The following CFAP61 variants were observed in gnomAD, a reference collection of about 807,000 sequenced individuals.
The protein encoded by CFAP61 is cilia- and flagella-associated protein 61.
In CFAP61, 107 loss-of-function variants were observed where a neutral mutation model predicts 135.6. The observed-to-expected ratio is 0.79, with a 90% CI of 0.67 to 0.93. CFAP61 has a LOEUF of 0.93. Among genes scored for constraint, CFAP61 ranks in the 40% least tolerant of loss-of-function variants. The pLI is 0.00. For synonymous variants in CFAP61, 575 were observed against 578.5 expected, an observed-to-expected ratio of 0.99 and a Z score of 0.09; for missense variants, 1,507 against 1,556.2, an observed-to-expected ratio of 0.97 and a Z score of 0.53.
At chr20:20,323,892 C>T (rs1019839495) in intron 25 of CFAP61, among the ~76,000 whole-genome samples, 5 of 152,162 alleles carry the variant, frequency 3.3e-5, no homozygotes, top group African/African-American at 1.2e-4. Flanking sequence ...TTTAGCTTCT[C>T]AGCATATTCT....
intron 21 of CFAP61, among the ~76,000 whole-genome samples, chr20:20,270,058 A>G (rs911981742): frequency 6.6e-6 from 1 of 152,356 alleles, no homozygotes; most frequent in South Asian, 2.1e-4. Flanking sequence ...ATAATTATTC[A>G]TTAAAATACA....
At chr20:20,258,984 G>A (rs191075893) in intron 20 of CFAP61, among the ~76,000 whole-genome samples, 3 of 152,156 alleles carry the variant, frequency 2.0e-5, no homozygotes, top group South Asian at 2.1e-4. Flanking sequence ...TCTCTGTTTC[G>A]TTCTCTTTCC....
At chr20:20,311,984 G>A (rs2056860962) in intron 25 of CFAP61, among the ~76,000 whole-genome samples, 1 of 152,144 alleles carries the variant, frequency 6.6e-6, no homozygotes, top group Non-Finnish European at 1.5e-5. Flanking sequence ...GCTGCAGTCC[G>A]ACTTAATAAA....
intron 15 of CFAP61, among the ~76,000 whole-genome samples, chr20:20,195,198 A>C (rs959057916): frequency 6.6e-6 from 1 of 152,184 alleles, no homozygotes; most frequent in African/African-American, 2.4e-5. Context: ...CAGAAGCTGG[A>C]AAGGCAGGGG....
intron 9 of CFAP61, among the ~76,000 whole-genome samples, chr20:20,156,294 TA>T (rs905815690): frequency 2.6e-5 from 4 of 151,326 alleles, no homozygotes; most frequent in African/African-American, 4.8e-5. Context: ...TTTAACAAAC[TA>T]AAAAAAAACC....
chr20:20,139,062 C>G (rs563405855), intron 8 of CFAP61, among the ~76,000 whole-genome samples: 43 of 152,162 alleles, frequency 2.8e-4, no homozygotes, highest in African/African-American at 1.0e-3. Context: ...TTTCATCACA[C>G]AAAAATTAAG....
chr20:20,181,043 ATAAT>A (rs1360684951), intron 13 of CFAP61, among the ~76,000 whole-genome samples: 3 of 152,010 alleles, frequency 2.0e-5, no homozygotes, highest in African/African-American at 4.8e-5. Flanking sequence ...ATCAGGAAAC[ATAAT>A]TAATGGATAC....
chr20:20,251,729 A>G lies in CFAP61; in HGVS notation c.2294A>G (p.Asp765Gly), dbSNP rs1350515113. The change falls in exon 20 of 27, where the codon GAC (aspartate) becomes GGC (glycine). Residue 765 changes from aspartate to glycine, a missense_variant. Asp to Gly is a moderately conservative substitution (Grantham distance 94). Transcript: ENST00000245957. ...TCCACGGACGAGATCGTGCCCTACG[A>G]CCACCTCATCCTCTGCACCGGGCAG... ...VLSTDEIVPY[D>G]HLILCTGQQY... 1 of 1,613,796 alleles carries G rather than the reference A, an allele frequency of 6.2e-7. No individual in the cohort carries two copies. Among genetic ancestry groups the G allele is most frequent in the African/African-American group, 1.3e-5 (1 of 74,906 alleles).
At chr20:20,054,016 T>TTGTTTTTG (rs1384471588) in intron 1 of CFAP61, among the ~76,000 whole-genome samples, 107 of 144,526 alleles carry the variant, frequency 7.4e-4, no homozygotes, top group East Asian at 5.7e-3. Flanking sequence ...TTTGTTTGTT[T>TTGTTTTTG]TTTTTTTTTT....
chr20:20,222,587 A>G (rs1236660472), intron 17 of CFAP61, among the ~76,000 whole-genome samples: 1 of 152,218 alleles, frequency 6.6e-6, no homozygotes, highest in African/African-American at 2.4e-5. Flanking sequence ...GCAAGTCTCA[A>G]AACCACAGCA....
intron 15 of CFAP61, among the ~76,000 whole-genome samples, chr20:20,196,286 A>G (rs749629314): frequency 3.3e-5 from 5 of 152,114 alleles, no homozygotes; most frequent in Non-Finnish European, 5.9e-5. Flanking sequence ...GGCCAATGGC[A>G]CAGACTCGGG....
At chr20:20,128,750 A>G (rs1345970905) in intron 8 of CFAP61, among the ~76,000 whole-genome samples, 4 of 151,538 alleles carry the variant, frequency 2.6e-5, no homozygotes. Flanking sequence ...TCTGCTTTTT[A>G]TTTTTAGTGT....
chr20:20,065,453 G>A (rs1209130791), intron 2 of CFAP61, among the ~76,000 whole-genome samples: 2 of 151,706 alleles, frequency 1.3e-5, no homozygotes, highest in South Asian at 2.1e-4. Context: ...AGAAGCCAGC[G>A]TATTTTCAGA....
At chr20:20,304,590 C>A (rs1052108460) in intron 25 of CFAP61, among the ~76,000 whole-genome samples, 23 of 151,574 alleles carry the variant, frequency 1.5e-4, no homozygotes, top group Admixed American at 6.6e-5. Context: ...GTCACACGCT[C>A]ACACACACCT....
At chr20:20,285,475 T>C (rs2054514404) in intron 22 of CFAP61, among the ~76,000 whole-genome samples, 1 of 152,172 alleles carries the variant, frequency 6.6e-6, no homozygotes, top group Non-Finnish European at 1.5e-5. Context: ...TAAGGCTCTG[T>C]TTTTTCAGTC....
chr20:20,347,673 G>A (rs540241698), intron 26 of CFAP61, among the ~76,000 whole-genome samples: 15 of 152,214 alleles, frequency 9.9e-5, no homozygotes, highest in Admixed American at 3.3e-4. Context: ...AGTGGCTCAC[G>A]CCTGTAATCC....
At chr20:20,316,603 T>A (rs1178197476) in intron 25 of CFAP61, among the ~76,000 whole-genome samples, 1 of 151,794 alleles carries the variant, frequency 6.6e-6, no homozygotes, top group Non-Finnish European at 1.5e-5. Flanking sequence ...AGAGAGGGCA[T>A]CCCTGTCTTG....
intron 8 of CFAP61, among the ~76,000 whole-genome samples, chr20:20,122,834 G>C (rs61304447): frequency 0.1 from 15,059 of 149,292 alleles, 1,662 homozygotes; most frequent in East Asian, 0.59. Context: ...TTCAAGAAAT[G>C]TCCACACCGT....
At chr20:20,343,118 A>G (rs2058505761) in intron 26 of CFAP61, among the ~76,000 whole-genome samples, 2 of 152,122 alleles carry the variant, frequency 1.3e-5, no homozygotes, top group African/African-American at 4.8e-5. Flanking sequence ...CGGCCTCCCA[A>G]AATGCTGGGA....
Sources: gnomAD v4.1 joint callset for allele counts (sites outside exome capture counted in the v4.1 genomes callset) on GRCh38, gnomAD v4.1.1 for gene constraint, MANE v1.5 for transcripts, NCBI Gene and HGNC (gene_info 2026-07-23, HGNC 2026-07-21) for gene names.